The following TEAD1 variants were observed in gnomAD, a reference collection of about 807,000 sequenced individuals.
TEAD1 encodes the protein TEA domain transcription factor 1.
In TEAD1, 9 loss-of-function variants were observed where a neutral mutation model predicts 54.9. The ratio of observed to expected loss-of-function variants is 0.16; its 90% CI spans 0.10 to 0.29. TEAD1 has a LOEUF of 0.29. Ranked by LOEUF, TEAD1 falls within the 10% of genes least tolerant of loss-of-function variation. The probability of loss-of-function intolerance (pLI) is 1.00; values close to 1 mark genes in which losing one functional copy is unlikely to be tolerated. For synonymous variants in TEAD1, 200 were observed against 187.8 expected, an observed-to-expected ratio of 1.07 and a Z score of -0.53; for missense variants, 387 against 535.9, an observed-to-expected ratio of 0.72 and a Z score of 2.74.
chr11:12,748,504 C>T (rs1031855184), intron 2 of TEAD1, among the ~76,000 whole-genome samples: 1 of 152,096 alleles, frequency 6.6e-6, no homozygotes, highest in African/African-American at 2.4e-5. Context: ...GCACTTCAGT[C>T]CTGAGTGAGT....
chr11:12,762,501 A>G (rs1564931457), intron 2 of TEAD1, among the ~76,000 whole-genome samples: 1 of 152,204 alleles, frequency 6.6e-6, no homozygotes. Context: ...ACATTTGGCA[A>G]TTTTGAAAGT....
intron 2 of TEAD1, among the ~76,000 whole-genome samples, chr11:12,740,235 A>G (rs1411198252): frequency 2.0e-5 from 3 of 152,220 alleles, no homozygotes; most frequent in African/African-American, 7.2e-5. Flanking sequence ...TCTCTAAAAT[A>G]GGAATAACAG....
At chr11:12,867,466 C>T (rs148338222) in intron 5 of TEAD1, among the ~76,000 whole-genome samples, 197 of 152,286 alleles carry the variant, frequency 1.3e-3, no homozygotes, top group African/African-American at 4.4e-3. Context: ...ACTCTGAGGG[C>T]ATTAGGACAG....
chr11:12,724,075 A>T (rs1356798331), intron 2 of TEAD1, among the ~76,000 whole-genome samples: 2 of 152,126 alleles, frequency 1.3e-5, no homozygotes, highest in African/African-American at 4.8e-5. Context: ...TCAGCATTTG[A>T]TAGATGATTC....
chr11:12,909,841 G>A (rs930120597), intron 10 of TEAD1, among the ~76,000 whole-genome samples: 2 of 152,074 alleles, frequency 1.3e-5, no homozygotes, highest in African/African-American at 2.4e-5. Flanking sequence ...AAACCATCTC[G>A]GAAAATTACG....
At chr11:12,832,501 T>G (rs186991328) in intron 3 of TEAD1, among the ~76,000 whole-genome samples, 1 of 152,372 alleles carries the variant, frequency 6.6e-6, no homozygotes, top group Admixed American at 6.5e-5. Context: ...AAGTTTAAGG[T>G]TTCCTTCTGC....
intron 9 of TEAD1, among the ~76,000 whole-genome samples, 162 bp downstream of exon 9, chr11:12,883,287 A>T (rs1483287326): frequency 6.6e-6 from 1 of 152,218 alleles, no homozygotes; most frequent in African/African-American, 2.4e-5. Context: ...TTAAGTAAAA[A>T]GGGATTCCTA....
At chr11:12,789,951 A>G (rs537225576) in intron 3 of TEAD1, among the ~76,000 whole-genome samples, 34 of 152,382 alleles carry the variant, frequency 2.2e-4, no homozygotes, top group Non-Finnish European at 4.0e-4. Flanking sequence ...CTGTCAGGCC[A>G]GGGCTGCTTG....
chr11:12,796,373 G>GAAA (rs1945923032), intron 3 of TEAD1, among the ~76,000 whole-genome samples: 1 of 152,202 alleles, frequency 6.6e-6, no homozygotes, highest in Admixed American at 6.5e-5. Flanking sequence ...AGATGCTATT[G>GAAA]TGTTACTTTT....
intron 2 of TEAD1, among the ~76,000 whole-genome samples, chr11:12,704,033 A>T (rs1368138903): frequency 6.6e-6 from 1 of 152,226 alleles, no homozygotes; most frequent in Non-Finnish European, 1.5e-5. Context: ...GGAAAAAGTT[A>T]TGTTAGAAGA....
At chr11:12,675,778 A>G (rs1943072083) in intron 2 of TEAD1, among the ~76,000 whole-genome samples, 1 of 152,250 alleles carries the variant, frequency 6.6e-6, no homozygotes, top group Non-Finnish European at 1.5e-5. Flanking sequence ...ATTTTTAATG[A>G]GTCGAAAACA....
At chr11:12,762,609 CAG>C (rs1213032391) in intron 2 of TEAD1, among the ~76,000 whole-genome samples, 1 of 152,100 alleles carries the variant, frequency 6.6e-6, no homozygotes, top group Admixed American at 6.6e-5. Flanking sequence ...GGCAGACAAT[CAG>C]AGGGTTTTTT....
In TEAD1 at chr11:12,866,308, T is replaced by G. The variant is rs573011838; in HGVS notation, c.330+1408T>G. 3.3e-5 allele frequency among the ~76,000 whole-genome samples: 5 copies of G among 152,348 alleles called. No individual in the cohort carries two copies. In the South Asian group the frequency reaches 1.0e-3, roughly 32 times the overall value. On this transcript the variant is annotated intron_variant, in intron 5 of 12. Coordinates refer to ENST00000527636, the MANE Select transcript of TEAD1 (RefSeq NM_021961.6). ...GAAGTTTACAGATAACAATGTTGTT[T>G]CCATCTGTGATGATATGAATTGCTC...
intron 10 of TEAD1, among the ~76,000 whole-genome samples, chr11:12,904,573 G>T (rs995951277): frequency 2.2e-4 from 34 of 152,120 alleles, no homozygotes; most frequent in Admixed American, 2.2e-3. Flanking sequence ...AAAGGAAAAT[G>T]ACCACTGTTA....
chr11:12,880,570 T>G (rs1013773486), intron 6 of TEAD1, among the ~76,000 whole-genome samples: 1 of 152,194 alleles, frequency 6.6e-6, no homozygotes, highest in Non-Finnish European at 1.5e-5. Flanking sequence ...GCATTGCCGC[T>G]TGGAGCTCCT....
At chr11:12,687,029 A>G (rs1481085627) in intron 2 of TEAD1, among the ~76,000 whole-genome samples, 5 of 152,138 alleles carry the variant, frequency 3.3e-5, no homozygotes, top group African/African-American at 9.7e-5. Flanking sequence ...GGGTCCTCCA[A>G]GTGCTGGGTC....
intron 3 of TEAD1, among the ~76,000 whole-genome samples, chr11:12,837,382 GT>G (rs1443709225): frequency 6.6e-6 from 1 of 152,216 alleles, no homozygotes; most frequent in African/African-American, 2.4e-5. Flanking sequence ...GGACAGGGCA[GT>G]TTTGGCTACT....
chr11:12,734,097 G>A (rs1011020406), intron 2 of TEAD1, among the ~76,000 whole-genome samples: 1 of 152,152 alleles, frequency 6.6e-6, no homozygotes, highest in Non-Finnish European at 1.5e-5. Context: ...TAAATTTTTT[G>A]TGGAGGTAGG....
intron 10 of TEAD1, among the ~76,000 whole-genome samples, chr11:12,915,708 G>T (rs548234848): frequency 1.6e-4 from 24 of 152,242 alleles, no homozygotes; most frequent in African/African-American, 5.5e-4. Flanking sequence ...AATTAGTGTG[G>T]TGGCGCACAT....
Sources: gnomAD v4.1 joint callset for allele counts (sites outside exome capture counted in the v4.1 genomes callset) on GRCh38, gnomAD v4.1.1 for gene constraint, MANE v1.5 for transcripts, NCBI Gene and HGNC (gene_info 2026-07-23, HGNC 2026-07-21) for gene names.